Variants in NKAIN3 observed in about 807,000 individuals in gnomAD.
NKAIN3 encodes the protein sodium/potassium transporting ATPase interacting 3, also known as sodium/potassium-transporting ATPase subunit beta-1-interacting protein 3.
Under a neutral mutation model 30.2 loss-of-function variants are expected in NKAIN3, and 25 were observed. The ratio of observed to expected loss-of-function variants is 0.83; its 90% CI spans 0.60 to 1.16. The LOEUF is 1.16. Among genes scored for constraint, NKAIN3 ranks in the 50% most tolerant of loss-of-function variants. NKAIN3 has a pLI of 0.00. For missense variants in NKAIN3, 225 were observed against 254.1 expected (o/e 0.89, Z 0.78); for synonymous variants, 91 against 89.6 (o/e 1.02, Z -0.09).
chr8:62,480,499 C>T (rs1260537640), intron 1 of NKAIN3, among the ~76,000 whole-genome samples: 1 of 143,548 alleles, frequency 7.0e-6, no homozygotes, highest in African/African-American at 2.6e-5. Context: ...AAGTAACTAA[C>T]TTGGCTAGTT....
intron 4 of NKAIN3, among the ~76,000 whole-genome samples, chr8:62,759,852 T>G (rs1381312796): frequency 1.3e-5 from 2 of 151,948 alleles, no homozygotes; most frequent in South Asian, 2.1e-4. Flanking sequence ...GGGAGAAAAT[T>G]TTTGCAATCT....
intron 1 of NKAIN3, among the ~76,000 whole-genome samples, chr8:62,434,201 A>G (rs185020880): frequency 1.1e-3 from 174 of 152,274 alleles, no homozygotes; most frequent in African/African-American, 4.1e-3. Context: ...TCTTCTTAAG[A>G]CTGTCCATGA....
intron 4 of NKAIN3, among the ~76,000 whole-genome samples, chr8:62,810,922 A>G (rs1483165876): frequency 6.6e-6 from 1 of 152,182 alleles, no homozygotes; most frequent in Non-Finnish European, 1.5e-5. Flanking sequence ...AGTAATAACT[A>G]TATCTTGCCG....
At chr8:62,771,635 T>A (rs2130637128) in intron 4 of NKAIN3, among the ~76,000 whole-genome samples, 1 of 150,796 alleles carries the variant, frequency 6.6e-6, no homozygotes, top group Admixed American at 6.6e-5. Flanking sequence ...CCATAGCTTA[T>A]CACATGTATA....
intron 4 of NKAIN3, among the ~76,000 whole-genome samples, chr8:62,916,608 C>T (rs749231038): frequency 1.9e-4 from 29 of 152,230 alleles, no homozygotes; most frequent in Non-Finnish European, 4.0e-4. Context: ...TTTAGCTCCT[C>T]AGAGATATTA....
At chr8:62,670,879 GCACA>G (rs57917158) in intron 3 of NKAIN3, among the ~76,000 whole-genome samples, 7,737 of 142,018 alleles carry the variant, frequency 0.054, 336 homozygotes, top group African/African-American at 0.12. Flanking sequence ...ACACATACAA[GCACA>G]CACACACACA....
intron 3 of NKAIN3, among the ~76,000 whole-genome samples, chr8:62,646,964 G>A (rs1166853579): frequency 2.0e-5 from 3 of 152,072 alleles, no homozygotes; most frequent in Non-Finnish European, 4.4e-5. Flanking sequence ...AAAGGCCCTG[G>A]CAAGCAACTT....
chr8:62,287,660 TTTCTC>T (rs1450366295), intron 1 of NKAIN3, among the ~76,000 whole-genome samples: 2 of 152,268 alleles, frequency 1.3e-5, no homozygotes, highest in South Asian at 2.1e-4. Context: ...TAAAATAAAA[TTTCTC>T]TTAGGAGTTT....
At chr8:62,832,281 A>ACACACACAC (rs1181925169) in intron 4 of NKAIN3, among the ~76,000 whole-genome samples, 2 of 151,390 alleles carry the variant, frequency 1.3e-5, no homozygotes, top group Non-Finnish European at 3.0e-5. Flanking sequence ...ACACACACAC[A>ACACACACAC]CACACACACA....
chr8:62,825,716 T>C (rs373177607), intron 4 of NKAIN3, among the ~76,000 whole-genome samples: 1 of 152,292 alleles, frequency 6.6e-6, no homozygotes, highest in South Asian at 2.1e-4. Flanking sequence ...TCTAAACAGC[T>C]ACCTATGAGA....
chr8:62,438,884 G>A (rs955753760), intron 1 of NKAIN3, among the ~76,000 whole-genome samples: 1 of 152,110 alleles, frequency 6.6e-6, no homozygotes, highest in Admixed American at 6.5e-5. Context: ...CTATTAAAAT[G>A]CCAATGTTCA....
chr8:62,918,317 T>C (rs1475394286), intron 4 of NKAIN3, 136 bp from the exon 5 acceptor site: 3 of 685,782 alleles, frequency 4.4e-6, no homozygotes, highest in African/African-American at 1.8e-5. Context: ...ATCACAGCTA[T>C]CATTTTAAAA....
intron 3 of NKAIN3, among the ~76,000 whole-genome samples, chr8:62,739,605 A>G (rs1396145685): frequency 6.6e-6 from 1 of 152,106 alleles, no homozygotes; most frequent in African/African-American, 2.4e-5. Context: ...AAATAATAGC[A>G]TTTTCCATGA....
chr8:62,344,801 T>C (rs1161682514), intron 1 of NKAIN3: 2 of 425,450 alleles, frequency 4.7e-6, no homozygotes, highest in Non-Finnish European at 9.3e-6. Context: ...TCTTTTGTAG[T>C]TCCATATGAA....
At chr8:62,595,689 CT>C (rs1810807118) in intron 3 of NKAIN3, among the ~76,000 whole-genome samples, 1 of 151,944 alleles carries the variant, frequency 6.6e-6, no homozygotes, top group South Asian at 2.1e-4. Flanking sequence ...CTTAGGGATT[CT>C]TAGTTGGCCT....
intron 1 of NKAIN3, among the ~76,000 whole-genome samples, chr8:62,264,768 GAT>G (rs1457023118): frequency 7.9e-5 from 12 of 152,156 alleles, no homozygotes; most frequent in Non-Finnish European, 1.2e-4. Context: ...GCTGCAGCTT[GAT>G]CTGTCCAGCT....
chr8:62,745,070 G>A (rs1816024703), intron 3 of NKAIN3, among the ~76,000 whole-genome samples: 1 of 152,230 alleles, frequency 6.6e-6, no homozygotes, highest in South Asian at 2.1e-4. Context: ...GTAAAAAGAG[G>A]GTTTCCCTAC....
intron 4 of NKAIN3, among the ~76,000 whole-genome samples, chr8:62,888,292 C>T (rs983307670): frequency 2.6e-5 from 4 of 152,124 alleles, no homozygotes; most frequent in African/African-American, 9.7e-5. Flanking sequence ...TATTTCAAAA[C>T]GGTTTCTTTT....
chr8:62,426,065 T>C (rs1804796552), intron 1 of NKAIN3, among the ~76,000 whole-genome samples: 1 of 151,980 alleles, frequency 6.6e-6, no homozygotes, highest in Non-Finnish European at 1.5e-5. Flanking sequence ...AAAATTTATT[T>C]ATATTATAAT....
Sources: gnomAD v4.1 joint callset for allele counts (sites outside exome capture counted in the v4.1 genomes callset) on GRCh38, gnomAD v4.1.1 for gene constraint, MANE v1.5 for transcripts, NCBI Gene and HGNC (gene_info 2026-07-23, HGNC 2026-07-21) for gene names.